AKAP9: variants seen among roughly 807,000 people sequenced by gnomAD.
AKAP9 encodes A-kinase anchor protein 9.
Under a neutral mutation model 488.5 loss-of-function variants are expected in AKAP9, and 311 were observed. The observed-to-expected ratio is 0.64, with a 90% CI of 0.58 to 0.70. The LOEUF is 0.70. Among genes scored for constraint, AKAP9 ranks in the 30% least tolerant of loss-of-function variants. The pLI, the probability that AKAP9 is intolerant of heterozygous loss-of-function variation, is 0.00. For missense variants in AKAP9, 4,215 were observed against 4,374.5 expected, an observed-to-expected ratio of 0.96 and a Z score of 1.03; for synonymous variants, 1,462 against 1,483.5, an observed-to-expected ratio of 0.99 and a Z score of 0.33.
chr7:91,994,940 A>T (rs930327212), intron 6 of AKAP9, among the ~76,000 whole-genome samples, 164 bp downstream of exon 6: 1 of 152,182 alleles, frequency 6.6e-6, no homozygotes, highest in Non-Finnish European at 1.5e-5. Flanking sequence ...AATTTAATTC[A>T]TACTTCTTAA....
chr7:92,047,519 A>G (rs759346182), intron 21 of AKAP9, among the ~76,000 whole-genome samples: 9 of 152,128 alleles, frequency 5.9e-5, no homozygotes, highest in South Asian at 2.1e-4. Context: ...GCGACTGACC[A>G]TAGTTTTCAA....
chr7:91,956,433 T>G (rs558677729), intron 1 of AKAP9, among the ~76,000 whole-genome samples: 2 of 150,586 alleles, frequency 1.3e-5, no homozygotes, highest in African/African-American at 4.9e-5. Context: ...AGAGATGGGA[T>G]TTCTAGCCTC....
chr7:92,063,467 G>A, intron 24 of AKAP9: 1 of 954,866 alleles, frequency 1.0e-6, no homozygotes, highest in African/African-American at 1.8e-5. Context: ...CCTAGGACTA[G>A]TAGATGCTGC....
chr7:91,994,793 C>T lies in AKAP9; in HGVS notation c.732+17C>T. On this transcript the variant is annotated intron_variant, in intron 6 of 49. Coordinates refer to ENST00000356239, the MANE Select transcript of AKAP9 (RefSeq NM_005751.5). ...TTTCAGCAAGTAAGTATTACTAATG[C>T]AACAAAATTCATTATTTTTTTAGTA... 1.3e-6 allele frequency: 2 copies of T among 1,591,364 alleles called. No homozygotes were observed. The highest frequency in any genetic ancestry group is 1.7e-4 in the Middle Eastern group (1 of 5,812).
chr7:91,943,515 T>C (rs1235481136), intron 1 of AKAP9, among the ~76,000 whole-genome samples: 1 of 152,214 alleles, frequency 6.6e-6, no homozygotes, highest in Non-Finnish European at 1.5e-5. Context: ...GCTCACTGTT[T>C]AGTGGGAGAG....
In AKAP9 at chr7:92,106,195, A is replaced by G. The variant is rs868645221; in HGVS notation, c.11416+432A>G. ...TACCAAGTAATGAATTCTGGAAGCAATGTTTTCCAAAGACAAAGCCCTTAT... is the reference window on the plus strand; with the variant it reads ...TACCAAGTAATGAATTCTGGAAGCAGTGTTTTCCAAAGACAAAGCCCTTAT... On this transcript the variant is annotated intron_variant, in intron 47 of 49. Transcript: ENST00000356239. 5.9e-5 allele frequency among the ~76,000 whole-genome samples: 9 copies of G among 152,230 alleles called. No individual in the cohort carries two copies. In the South Asian group the frequency reaches 6.2e-4, roughly 11 times the overall value.
In AKAP9 at chr7:92,110,574, A is replaced by G. The variant is rs539295315; in HGVS notation, c.*415A>G. 56 of 226,578 alleles carry G rather than the reference A, an allele frequency of 2.5e-4. No homozygotes were observed. The South Asian group carries it at 7.8e-3, about 32-fold the overall frequency. The allele number at this position is 226,578 out of a possible 1,614,324, so 14.0% of individuals were successfully genotyped here. A position where few individuals can be genotyped will look rare whatever the true frequency, so the allele number is the denominator to read the frequency against. On this transcript the variant is annotated 3_prime_UTR_variant, in exon 50 of 50. Coordinates refer to ENST00000356239, the MANE Select transcript of AKAP9 (RefSeq NM_005751.5). Reference sequence around the variant, plus strand: ...ACTGGTGATGAAGACAGATAATATCACTTGTAGAGACCTATTTTTGTATAA... The same window carrying G: ...ACTGGTGATGAAGACAGATAATATCGCTTGTAGAGACCTATTTTTGTATAA...
Position 92,022,823 on chromosome 7 carries a change from A to C in AKAP9, c.3962A>C (p.His1321Pro). The C allele has an allele frequency of 6.3e-7, 1 of 1,591,738 alleles. No homozygotes were observed. Among genetic ancestry groups the C allele is most frequent in the Non-Finnish European group, 8.6e-7 (1 of 1,161,540 alleles). ...MTNLEDIDVNHKSKLSSLQDL... is the reference protein window; with the variant it reads ...MTNLEDIDVNPKSKLSSLQDL... Reference sequence around the variant, plus strand: ...TCTTTATATAACATAGATGTCAATCATAAAAGCAAGTTATCTTCTCTGCAA... The same window carrying C: ...TCTTTATATAACATAGATGTCAATCCTAAAAGCAAGTTATCTTCTCTGCAA... Residue 1321 changes from histidine (H) to proline (P), a missense_variant, in exon 14 of 50, where the codon CAT (histidine) becomes CCT (proline). Transcript: ENST00000356239.
In AKAP9 at chr7:91,952,665, T is replaced by G. The variant is rs572484809; in HGVS notation, c.48+11518T>G. ...GGGGAAGGTATTGTATTACCTACCTTGTTTGGTATTATTGGAGTATAAAGC... is the reference window on the plus strand; with the variant it reads ...GGGGAAGGTATTGTATTACCTACCTGGTTTGGTATTATTGGAGTATAAAGC... On this transcript the variant is annotated intron_variant, in intron 1 of 49. Transcript: ENST00000356239. Among the ~76,000 whole-genome samples, 51 of 152,304 alleles carry G rather than the reference T, an allele frequency of 3.3e-4. 1 individual carries two copies. In the South Asian group the frequency reaches 0.01, roughly 30 times the overall value.
At chr7:92,022,438 G>C in intron 13 of AKAP9, 86 bp downstream of exon 13, 2 of 936,968 alleles carry the variant, frequency 2.1e-6, no homozygotes, top group Admixed American at 1.9e-5. Context: ...GTGAGCTAAC[G>C]TAGTGACCTT....
chr7:92,042,020 C>G (rs1469974958), intron 18 of AKAP9, 26 bp from the exon 19 acceptor site: 2 of 1,611,626 alleles, frequency 1.2e-6, no homozygotes, highest in East Asian at 4.5e-5. Flanking sequence ...AAACAGTATT[C>G]TTTCATGACC....
intron 1 of AKAP9, among the ~76,000 whole-genome samples, chr7:91,961,183 G>A (rs1270448111): frequency 1.3e-5 from 2 of 150,238 alleles, no homozygotes; most frequent in South Asian, 2.1e-4. Flanking sequence ...TTTTTGAGAC[G>A]GAGTCTCACT....
Position 92,029,999 on chromosome 7 carries a change from A to G in AKAP9, c.4245+8A>G. 1 of 1,548,824 alleles carries G rather than the reference A, an allele frequency of 6.5e-7. No homozygotes were observed. Among genetic ancestry groups the G allele is most frequent in the Non-Finnish European group, 8.9e-7 (1 of 1,123,918 alleles). On this transcript the variant is annotated splice_region_variant and intron_variant, in intron 15 of 49. Transcript: ENST00000356239. ...ATTGATGGTACAATAGAGGTATTATATTTTTAATTTTTATCTTTTAACTGT... is the reference window on the plus strand; with the variant it reads ...ATTGATGGTACAATAGAGGTATTATGTTTTTAATTTTTATCTTTTAACTGT...
rs748193262 is a variant in AKAP9 at position 92,002,071 on chromosome 7, T to C, written c.2154T>C (p.Thr718=). The change falls in exon 8 of 50, where the codon ACT becomes ACC. Residue 718 remains threonine (T), a synonymous_variant. Coordinates refer to ENST00000356239, the MANE Select transcript of AKAP9 (RefSeq NM_005751.5). ...TAAATTCAAAGTCAGAAGAAATGAC[T>C]CTTCAAATCAATGAACTTCAAAAAG... ...SLVNSKSEEM[T]LQINELQKEI... 5.0e-6 allele frequency: 8 copies of C among 1,596,810 alleles called. No individual in the cohort carries two copies. Among genetic ancestry groups the C allele is most frequent in the Non-Finnish European group, 6.8e-6 (8 of 1,175,252 alleles).
intron 33 of AKAP9, among the ~76,000 whole-genome samples, chr7:92,084,406 T>A (rs1369735709): frequency 1.3e-5 from 2 of 152,170 alleles, no homozygotes; most frequent in Non-Finnish European, 2.9e-5. Context: ...ATATATGATG[T>A]TCCTGTATGG....
intron 18 of AKAP9, chr7:92,041,318 A>G (rs1806072576): frequency 6.3e-6 from 1 of 158,978 alleles, no homozygotes; most frequent in African/African-American, 2.4e-5. Flanking sequence ...CTTCATTTAT[A>G]GTTTTGTGAG....
intron 7 of AKAP9, among the ~76,000 whole-genome samples, chr7:91,996,620 C>T (rs189391698): frequency 1.3e-5 from 2 of 152,278 alleles, no homozygotes; most frequent in African/African-American, 4.8e-5. Context: ...TTTTGTCGCT[C>T]TGTGCACACC....
intron 37 of AKAP9, among the ~76,000 whole-genome samples, chr7:92,087,318 T>C (rs898823391): frequency 1.3e-5 from 2 of 152,232 alleles, no homozygotes; most frequent in Non-Finnish European, 2.9e-5. Flanking sequence ...ATTTGAACTT[T>C]TCTGGAGAAT....
chr7:91,972,922 A>G (rs1795267062), intron 1 of AKAP9, among the ~76,000 whole-genome samples: 1 of 152,182 alleles, frequency 6.6e-6, no homozygotes, highest in African/African-American at 2.4e-5. Flanking sequence ...TTTTCCCATT[A>G]TGAATAAGGC....
Sources: allele counts gnomAD v4.1 joint callset (sites outside exome capture counted in the v4.1 genomes callset), GRCh38; gene constraint gnomAD v4.1.1; transcripts MANE v1.5; gene names NCBI Gene and HGNC (gene_info 2026-07-23, HGNC 2026-07-21).